Variants in TBC1D8 observed in about 807,000 individuals in gnomAD.
The protein encoded by TBC1D8 is BUB2-like protein 1.
Under a neutral mutation model 118.8 loss-of-function variants are expected in TBC1D8, and 65 were observed. That is an observed-to-expected ratio of 0.55 (90% confidence interval 0.45 to 0.67). The LOEUF (loss-of-function observed/expected upper bound fraction) is 0.67. Ranked by LOEUF, TBC1D8 falls within the 30% of genes least tolerant of loss-of-function variation. The probability of loss-of-function intolerance (pLI) is 0.00; values close to 1 mark genes in which losing one functional copy is unlikely to be tolerated. For missense variants in TBC1D8, 1,376 were observed against 1,471.2 expected, an observed-to-expected ratio of 0.94 and a Z score of 1.06; for synonymous variants, 566 against 595.8, an observed-to-expected ratio of 0.95 and a Z score of 0.73.
chr2:101,021,693 G>A lies in TBC1D8; in HGVS notation c.2815C>T (p.His939Tyr), dbSNP rs1680038053. 8 of 1,600,574 alleles carry A rather than the reference G, an allele frequency of 5.0e-6. No homozygotes were observed. Among genetic ancestry groups the A allele is most frequent in the Non-Finnish European group, 6.8e-6 (8 of 1,170,660 alleles). ...TGGACTTTCTTACCTGGAGGGATAT[G>A]AAGCCTGTATAATAGTTTAATCTTC... ...NEKIKLLYRL[H>Y]IPPALTENDR... Residue 939 changes from histidine (H) to tyrosine (Y), a missense_variant, in exon 17 of 20, where the codon CAT becomes TAT. Coordinates refer to ENST00000409318, the MANE Select transcript of TBC1D8 (RefSeq NM_001330348.2).
At chr2:101,044,736 A>G (rs917721446) in intron 5 of TBC1D8, among the ~76,000 whole-genome samples, 3 of 152,086 alleles carry the variant, frequency 2.0e-5, no homozygotes, top group Non-Finnish European at 2.9e-5. Context: ...AGTGGGAGAA[A>G]GCGCCACCAA....
At chr2:101,116,843 T>C (rs577844248) in intron 1 of TBC1D8, among the ~76,000 whole-genome samples, 8 of 152,226 alleles carry the variant, frequency 5.3e-5, no homozygotes, top group African/African-American at 1.9e-4. Flanking sequence ...AGTTTTGCCA[T>C]GTTGGCTAGG....
At position 101,021,766 on chromosome 2, in the gene TBC1D8, A is replaced by C. The variant is rs1347825805; in HGVS notation, c.2762-20T>G. On this transcript the variant is annotated intron_variant, in intron 16 of 19. Coordinates refer to ENST00000409318, the MANE Select transcript of TBC1D8 (RefSeq NM_001330348.2). ...TAATATCTGCAAAAAGTTTAAAAAG[A>C]GTGAGTTGATGCCAATGCTGAAAGT... 6.8e-7 allele frequency: 1 copy of C among 1,466,292 alleles called. No homozygotes were observed. The highest frequency in any genetic ancestry group is 9.4e-7 in the Non-Finnish European group (1 of 1,064,526). The allele number at this position is 1,466,292 out of a possible 1,614,324, so 90.8% of individuals were successfully genotyped here.
At chr2:101,021,155 A>G (rs1680007917) in intron 17 of TBC1D8, among the ~76,000 whole-genome samples, 1 of 152,030 alleles carries the variant, frequency 6.6e-6, no homozygotes, top group Non-Finnish European at 1.5e-5. Flanking sequence ...ATTCATCTCT[A>G]TTAGTTTTTA....
At chr2:101,083,365 G>C (rs1388271001) in intron 2 of TBC1D8, among the ~76,000 whole-genome samples, 4 of 152,048 alleles carry the variant, frequency 2.6e-5, no homozygotes, top group Non-Finnish European at 5.9e-5. Context: ...CAGGTGACAG[G>C]GAGTCAGGGA....
intron 2 of TBC1D8, among the ~76,000 whole-genome samples, chr2:101,081,687 T>A (rs1003164178): frequency 1.3e-5 from 2 of 152,150 alleles, no homozygotes; most frequent in African/African-American, 4.8e-5. Context: ...CCTCAGTTAA[T>A]CTACAGGAAA....
intron 14 of TBC1D8, among the ~76,000 whole-genome samples, 153 bp from the exon 15 acceptor site, chr2:101,027,604 T>G (rs972540691): frequency 1.3e-5 from 2 of 152,224 alleles, no homozygotes; most frequent in African/African-American, 4.8e-5. Flanking sequence ...AAAGATCACT[T>G]CCAGGTATCT....
intron 2 of TBC1D8, among the ~76,000 whole-genome samples, chr2:101,066,074 G>T (rs939587464): frequency 6.6e-6 from 1 of 152,148 alleles, no homozygotes; most frequent in Admixed American, 6.5e-5. Context: ...CTGATCAGGA[G>T]TTTGAGACCA....
rs1678843739 is a variant in TBC1D8 at position 101,007,820 on chromosome 2, G to A, written c.*1C>T. The A allele has an allele frequency of 1.2e-6, 2 of 1,613,050 alleles. No individual in the cohort carries two copies. Among genetic ancestry groups the A allele is most frequent in the South Asian group, 1.1e-5 (1 of 91,020 alleles). Reference sequence around the variant, plus strand: ...CAGTGTGCATAGCAGCTGCTGTCTTGCTACAAGTTACTCAGCTTAAGTTCA... The same window carrying A: ...CAGTGTGCATAGCAGCTGCTGTCTTACTACAAGTTACTCAGCTTAAGTTCA... On this transcript the variant is annotated 3_prime_UTR_variant, in exon 20 of 20. Transcript: ENST00000409318.
Position 101,090,285 on chromosome 2 carries a change from G to A in TBC1D8, c.207C>T (p.Pro69=), listed in dbSNP as rs775002282. ...VAPFRILLQV[P]GSQVYSPIAC... The stretch of plus-strand genomic sequence containing the variant: ...CTATGGGAGAATAAACCTGGGAGCC[G>A]GGAACTTGAAGCAGAATTCGAAATG... The change falls in exon 2 of 20, where the codon CCC becomes CCT. Residue 69 remains proline, a synonymous_variant. Coordinates refer to ENST00000409318, the MANE Select transcript of TBC1D8 (RefSeq NM_001330348.2). 2.5e-5 allele frequency: 40 copies of A among 1,613,814 alleles called. No homozygotes were observed. The highest frequency in any genetic ancestry group is 5.0e-5 in the Admixed American group (3 of 60,000).
At chr2:101,116,330 A>T (rs1677815609) in intron 1 of TBC1D8, among the ~76,000 whole-genome samples, 1 of 152,180 alleles carries the variant, frequency 6.6e-6, no homozygotes, top group African/African-American at 2.4e-5. Context: ...ACTGCTCTAG[A>T]GTCACAATCC....
chr2:101,028,255 CG>C (rs568883327), intron 13 of TBC1D8, 47 bp downstream of exon 13: 4 of 1,500,278 alleles, frequency 2.7e-6, no homozygotes, highest in African/African-American at 2.8e-5. Context: ...TCACAATTCC[CG>C]GGGGGTTAGG....
At chr2:101,010,804 C>T (rs1679147588) in intron 19 of TBC1D8, 125 bp downstream of exon 19, 6 of 718,264 alleles carry the variant, frequency 8.4e-6, no homozygotes, top group Non-Finnish European at 1.4e-5. Flanking sequence ...ACTGCTTGAA[C>T]CCTGGAGGTG....
intron 17 of TBC1D8, among the ~76,000 whole-genome samples, chr2:101,014,981 T>G (rs1389191290): frequency 7.0e-6 from 1 of 142,104 alleles, no homozygotes; most frequent in Non-Finnish European, 1.6e-5. Context: ...TTTTATAGAG[T>G]CATGTGTCAA....
chr2:101,033,435 C>A, intron 10 of TBC1D8, 109 bp downstream of exon 10: 1 of 1,364,226 alleles, frequency 7.3e-7, no homozygotes, highest in Non-Finnish European at 1.0e-6. Context: ...AGCGCCTTCA[C>A]ACGACAACAC....
chr2:101,041,663 A>G (rs1292530926), intron 5 of TBC1D8, among the ~76,000 whole-genome samples: 1 of 152,150 alleles, frequency 6.6e-6, no homozygotes, highest in African/African-American at 2.4e-5. Context: ...AAACCACTGA[A>G]TGGTACACTT....
At chr2:101,014,435 C>T (rs1679463498) in intron 17 of TBC1D8, among the ~76,000 whole-genome samples, 1 of 152,120 alleles carries the variant, frequency 6.6e-6, no homozygotes, top group South Asian at 2.1e-4. Context: ...TCTAAACTAC[C>T]ATTTTTTGTG....
At chr2:101,012,685 A>AAT (rs1429959069) in intron 17 of TBC1D8, among the ~76,000 whole-genome samples, 6 of 152,208 alleles carry the variant, frequency 3.9e-5, no homozygotes, top group African/African-American at 1.4e-4. Context: ...TGGTGCGTGA[A>AAT]ATATATCTCA....
chr2:101,114,114 A>G (rs555274778), intron 1 of TBC1D8, among the ~76,000 whole-genome samples: 76 of 152,340 alleles, frequency 5.0e-4, no homozygotes, highest in African/African-American at 1.8e-3. Context: ...ATGTGCAGGT[A>G]TATTAAAAAC....
Sources: gnomAD v4.1 joint callset for allele counts (sites outside exome capture counted in the v4.1 genomes callset) on GRCh38, gnomAD v4.1.1 for gene constraint, MANE v1.5 for transcripts, NCBI Gene and HGNC (gene_info 2026-07-23, HGNC 2026-07-21) for gene names.